The following BRI3BP variants were observed in gnomAD, a reference collection of about 807,000 sequenced individuals.
BRI3BP encodes BRI3 binding protein, also known as BRI3-binding protein.
Under a neutral mutation model 15.8 loss-of-function variants are expected in BRI3BP, and 7 were observed. That is an observed-to-expected ratio of 0.44 (90% confidence interval 0.25 to 0.83). BRI3BP has a LOEUF of 0.83. Ranked by LOEUF, BRI3BP falls within the 40% of genes least tolerant of loss-of-function variation. The probability of loss-of-function intolerance (pLI) is 0.20; values close to 1 mark genes in which losing one functional copy is unlikely to be tolerated. For synonymous variants in BRI3BP, 192 were observed against 163.5 expected (o/e 1.17, Z -1.33); for missense variants, 320 against 339.3 (o/e 0.94, Z 0.45).
At chr12:125,038,915 C>A in the BRI3BP span, among the ~76,000 whole-genome samples, 7 of 151,980 alleles carry the variant, frequency 4.6e-5, 1 homozygote, top group South Asian at 1.5e-3. Flanking sequence ...CATGGTGAAA[C>A]CCCGTCTCTA....
chr12:125,022,672 GT>G (rs1565906756), intron 2 of BRI3BP, among the ~76,000 whole-genome samples: 1 of 151,880 alleles, frequency 6.6e-6, no homozygotes, highest in East Asian at 1.9e-4. Context: ...GATTACAGGT[GT>G]GCGCCACCAC....
rs1013216640 is a variant in BRI3BP at position 124,993,829 on chromosome 12, C to T, written c.39C>T (p.Ala13=). Residue 13 remains alanine, a synonymous_variant, in exon 1 of 3, where the codon GCC becomes GCT. Coordinates refer to ENST00000341446, the MANE Select transcript of BRI3BP (RefSeq NM_080626.6). ...CCTCAGGCGGGCCCCTGGCCCGGGC[C>T]GGGCTCCTGCTGCTGCTGCTGCTGC... is the stretch of plus-strand genomic sequence containing the variant. ...ARASGGPLAR[A]GLLLLLLLLL... The T allele has an allele frequency of 1.8e-5, 21 of 1,140,686 alleles. No individual in the cohort carries two copies. In the East Asian group the frequency reaches 9.4e-4, roughly 51 times the overall value. 70.7% of individuals were successfully genotyped at this position (1,140,686 alleles called of 1,614,324 possible).
At chr12:125,037,183 C>T in the BRI3BP span, among the ~76,000 whole-genome samples, 1 of 152,288 alleles carries the variant, frequency 6.6e-6, no homozygotes, top group East Asian at 1.9e-4. Flanking sequence ...CCTCAGCCTC[C>T]TGAGTAGCTG....
chr12:125,033,577 C>G (rs68097911), downstream of BRI3BP, among the ~76,000 whole-genome samples: 30,486 of 151,786 alleles, frequency 0.2, 3,290 homozygotes, highest in African/African-American at 0.27. Context: ...ATTTTGGAAA[C>G]AGCACAGGCC....
At chr12:125,039,842 A>G in the BRI3BP span, among the ~76,000 whole-genome samples, 1 of 152,182 alleles carries the variant, frequency 6.6e-6, no homozygotes, top group Non-Finnish European at 1.5e-5. Flanking sequence ...TCTCTCATGA[A>G]TGTACAATGG....
downstream of BRI3BP, among the ~76,000 whole-genome samples, chr12:125,031,807 C>T (rs1955408412): frequency 2.6e-5 from 4 of 152,100 alleles, no homozygotes; most frequent in East Asian, 3.9e-4. Context: ...GGATAACAGG[C>T]GTGAGCCATC....
rs1453103929 is a variant in BRI3BP, at chr12:125,028,571, G to A, written c.*3141G>A. 1 of 152,118 alleles carries A rather than the reference G, an allele frequency of 6.6e-6. No homozygotes were observed. 9.4% of individuals were successfully genotyped at this position (152,118 alleles called of 1,614,324 possible). A position where few individuals can be genotyped will look rare whatever the true frequency, so the allele number is the denominator to read the frequency against. On this transcript the variant is annotated 3_prime_UTR_variant, in exon 3 of 3. Coordinates refer to ENST00000341446, the MANE Select transcript of BRI3BP (RefSeq NM_080626.6). The stretch of plus-strand genomic sequence containing the variant: ...AGCTTGATACATTCTGGTGAAAGAT[G>A]TCTTCATTTTTAATGAAAGAACCTA...
chr12:125,017,386 C>T (rs951278019), intron 2 of BRI3BP, among the ~76,000 whole-genome samples: 1 of 151,352 alleles, frequency 6.6e-6, no homozygotes, highest in East Asian at 1.9e-4. Context: ...AACTCCTGAG[C>T]TCCAGTGATC....
Position 125,003,851 on chromosome 12 carries a change from G to A in BRI3BP, c.214-8683G>A, listed in dbSNP as rs1464607245. On this transcript the variant is annotated intron_variant, in intron 1 of 2. Transcript: ENST00000341446. The stretch of plus-strand genomic sequence containing the variant: ...ACCTATAATCCCAGCTACTCAGGAG[G>A]CTGAGGCAGGAGAATTGCTTGAGCC... Among the ~76,000 whole-genome samples, 6 of 151,990 alleles carry A rather than the reference G, an allele frequency of 3.9e-5. No individual in the cohort carries two copies. The East Asian group carries it at 1.2e-3, about 29-fold the overall frequency.
At chr12:125,038,959 C>G in the BRI3BP span, among the ~76,000 whole-genome samples, 7 of 150,002 alleles carry the variant, frequency 4.7e-5, no homozygotes, top group South Asian at 1.5e-3. Context: ...GCATGGTGGC[C>G]GGCGCCTGTA....
intron 2 of BRI3BP, among the ~76,000 whole-genome samples, chr12:125,022,533 A>ATTTTTTTTT (rs1955307726): frequency 2.8e-5 from 3 of 108,784 alleles, no homozygotes; most frequent in Admixed American, 1.9e-4. Flanking sequence ...TTATTTATTT[A>ATTTTTTTTT]TTTATTTATT....
chr12:125,019,013 C>T (rs1260968283), intron 2 of BRI3BP, among the ~76,000 whole-genome samples: 1 of 152,108 alleles, frequency 6.6e-6, no homozygotes, highest in African/African-American at 2.4e-5. Context: ...CACCCACCAC[C>T]ACGCCTGGCT....
In BRI3BP at chr12:125,030,151, A is replaced by G. The variant is rs1955395726; in HGVS notation, c.*4721A>G. 6.6e-6 allele frequency: 1 copy of G among 152,206 alleles called. No individual in the cohort carries two copies. The allele number at this position is 152,206 out of a possible 1,614,324, so 9.4% of individuals were successfully genotyped here. ...GCTACTTCTTAAGATGCTTTTGATGAATGTCATCTGCCTTACAAGTTGACA... is the reference window on the plus strand; with the variant it reads ...GCTACTTCTTAAGATGCTTTTGATGGATGTCATCTGCCTTACAAGTTGACA... On this transcript the variant is annotated 3_prime_UTR_variant, in exon 3 of 3. Transcript: ENST00000341446.
At position 124,993,958 on chromosome 12, in the gene BRI3BP, C is replaced by T; in HGVS notation, c.168C>T (p.Ser56=). The T allele has an allele frequency of 1.5e-6, 2 of 1,362,524 alleles. No homozygotes were observed. The highest frequency in any genetic ancestry group is 9.6e-7 in the Non-Finnish European group (1 of 1,044,220). The allele number at this position is 1,362,524 out of a possible 1,614,324, so 84.4% of individuals were successfully genotyped here. The stretch of plus-strand genomic sequence containing the variant: ...GCACGGTCAACACCTTCTCCCAGAG[C>T]GTCAGCAGCCTGTTCGGCGAGGACA... The part of the protein sequence containing the change: ...YRRTVNTFSQ[S]VSSLFGEDNV... Residue 56 remains serine (S), a synonymous_variant, in exon 1 of 3, where the codon AGC becomes AGT. Coordinates refer to ENST00000341446, the MANE Select transcript of BRI3BP (RefSeq NM_080626.6).
At chr12:125,022,537 A>ATTTTTTTTTTTTTTTTTTTTTTTT (rs1391143992) in intron 2 of BRI3BP, among the ~76,000 whole-genome samples, 1 of 70,616 alleles carries the variant, frequency 1.4e-5, no homozygotes, top group African/African-American at 7.8e-5. Flanking sequence ...TTATTTATTT[A>ATTTTTTTTTTTTTTTTTTTTTTTT]TTTATTTTTT....
Position 125,030,123 on chromosome 12 carries a change from AC to A in BRI3BP, c.*4694del, listed in dbSNP as rs1316397894. On this transcript the variant is annotated 3_prime_UTR_variant, in exon 3 of 3. Transcript: ENST00000341446. ...CCTGAATTGCTTCCTTTCTGTGATC[AC>A]TGCTACTTCTTAAGATGCTTTTGAT... 1 of 152,224 alleles carries A rather than the reference AC, an allele frequency of 6.6e-6. No individual in the cohort carries two copies. The highest frequency in any genetic ancestry group is 1.5e-5 in the Non-Finnish European group (1 of 68,040). 9.4% of individuals were successfully genotyped at this position (152,224 alleles called of 1,614,324 possible). A position where few individuals can be genotyped will look rare whatever the true frequency, so the allele number is the denominator to read the frequency against.
At chr12:125,021,195 G>C (rs1405215856) in intron 2 of BRI3BP, among the ~76,000 whole-genome samples, 1 of 152,194 alleles carries the variant, frequency 6.6e-6, no homozygotes, top group African/African-American at 2.4e-5. Flanking sequence ...GGGAGTCCTG[G>C]TGACCCCAAG....
chr12:125,036,843 C>T, the BRI3BP span, among the ~76,000 whole-genome samples: 4 of 152,136 alleles, frequency 2.6e-5, no homozygotes, highest in Non-Finnish European at 4.4e-5. Flanking sequence ...AGATACCCCT[C>T]GACTCCACCA....
intron 2 of BRI3BP, among the ~76,000 whole-genome samples, chr12:125,017,155 G>C (rs921818392): frequency 2.6e-5 from 4 of 151,910 alleles, no homozygotes; most frequent in African/African-American, 9.7e-5. Flanking sequence ...GAGTAGCTGG[G>C]ATTACAGGCA....
Sources: allele counts gnomAD v4.1 joint callset (sites outside exome capture counted in the v4.1 genomes callset), GRCh38; gene constraint gnomAD v4.1.1; transcripts MANE v1.5; gene names NCBI Gene and HGNC (gene_info 2026-07-23, HGNC 2026-07-21).